The following PTPRC variants were observed in gnomAD, a reference collection of about 807,000 sequenced individuals.
PTPRC encodes the protein receptor-type tyrosine-protein phosphatase C.
PTPRC carries 44 observed loss-of-function variants against 155.9 expected under a neutral mutation model. The ratio of observed to expected loss-of-function variants is 0.28; its 90% confidence interval spans 0.22 to 0.36. The LOEUF (loss-of-function observed/expected upper bound fraction) is 0.36, where lower values mean the gene tolerates loss of function less well. Among genes scored for constraint, PTPRC ranks in the 10% least tolerant of loss-of-function variants. PTPRC has a pLI of 1.00. For synonymous variants in PTPRC, 525 were observed against 533.1 expected, an observed-to-expected ratio of 0.98 and a Z score of 0.21; for missense variants, 1,401 against 1,564.6, an observed-to-expected ratio of 0.90 and a Z score of 1.76.
intron 2 of PTPRC, among the ~76,000 whole-genome samples, chr1:198,689,706 C>T (rs981518003): frequency 6.6e-6 from 1 of 152,188 alleles, no homozygotes; most frequent in African/African-American, 2.4e-5. Flanking sequence ...CTTACTCATG[C>T]TTAAAAGAAT....
chr1:198,746,944 G>A (rs945104498), intron 26 of PTPRC, among the ~76,000 whole-genome samples: 7 of 151,634 alleles, frequency 4.6e-5, no homozygotes, highest in Non-Finnish European at 1.0e-4. Flanking sequence ...TTGAAACAGG[G>A]TGCCATAATT....
At chr1:198,721,340 G>T (rs1353587675) in intron 14 of PTPRC, among the ~76,000 whole-genome samples, 1 of 151,488 alleles carries the variant, frequency 6.6e-6, no homozygotes, top group African/African-American at 2.4e-5. Context: ...GATTAAAAGT[G>T]TTTTCTTCCT....
intron 23 of PTPRC, among the ~76,000 whole-genome samples, chr1:198,739,563 G>T (rs1224494884): frequency 6.6e-6 from 1 of 151,722 alleles, no homozygotes; most frequent in Non-Finnish European, 1.5e-5. Flanking sequence ...TAATACTGGA[G>T]CACACAGATA....
chr1:198,641,828 T>C (rs917883089), intron 2 of PTPRC, among the ~76,000 whole-genome samples: 4 of 152,038 alleles, frequency 2.6e-5, no homozygotes, highest in Non-Finnish European at 5.9e-5. Flanking sequence ...TCATAACAGT[T>C]AAGACTCATT....
chr1:198,713,108 G>T (rs1432808812), intron 12 of PTPRC, 36 bp downstream of exon 12: 3 of 1,612,156 alleles, frequency 1.9e-6, no homozygotes, highest in Admixed American at 1.7e-5. Flanking sequence ...TCAGAAAAGA[G>T]AAATCAAGAA....
At chr1:198,696,205 G>T (rs1488543404) in intron 3 of PTPRC, among the ~76,000 whole-genome samples, 1 of 148,100 alleles carries the variant, frequency 6.8e-6, no homozygotes, top group Non-Finnish European at 1.5e-5. Flanking sequence ...TTTTTTCATG[G>T]ATATATATAT....
At chr1:198,662,068 GT>G (rs1664000051) in intron 2 of PTPRC, among the ~76,000 whole-genome samples, 1 of 152,156 alleles carries the variant, frequency 6.6e-6, no homozygotes, top group South Asian at 2.1e-4. Context: ...TGGTCAGCCA[GT>G]TTTTATATTG....
chr1:198,718,599 T>C (rs1653720863), intron 14 of PTPRC, among the ~76,000 whole-genome samples: 1 of 152,224 alleles, frequency 6.6e-6, no homozygotes, highest in Non-Finnish European at 1.5e-5. Context: ...AACAGATTAT[T>C]ACTTTACCAA....
chr1:198,664,355 A>G (rs200868389), intron 2 of PTPRC, among the ~76,000 whole-genome samples: 2 of 152,336 alleles, frequency 1.3e-5, no homozygotes, highest in East Asian at 3.9e-4. Flanking sequence ...TTCGGTAGCA[A>G]GAAGAGACTT....
intron 3 of PTPRC, among the ~76,000 whole-genome samples, chr1:198,696,216 A>G (rs1333368705): frequency 6.6e-6 from 1 of 150,528 alleles, no homozygotes; most frequent in African/African-American, 2.4e-5. Flanking sequence ...ATATATATAT[A>G]TCCATGAGTA....
At chr1:198,730,703 A>G (rs912051852) in intron 17 of PTPRC, among the ~76,000 whole-genome samples, 2 of 152,084 alleles carry the variant, frequency 1.3e-5, no homozygotes, top group Non-Finnish European at 2.9e-5. Context: ...ACTCACTCAG[A>G]CCCCATGAAA....
chr1:198,754,117 C>T (rs1221138427), intron 31 of PTPRC, 152 bp from the exon 32 acceptor site: 23 of 903,492 alleles, frequency 2.5e-5, no homozygotes, highest in South Asian at 3.6e-5. Context: ...ATGCATTTAG[C>T]GTAAATAATT....
At chr1:198,724,830 T>G (rs1252693607) in intron 15 of PTPRC, among the ~76,000 whole-genome samples, 1 of 152,054 alleles carries the variant, frequency 6.6e-6, no homozygotes, top group African/African-American at 2.4e-5. Context: ...AGAGGGAGTT[T>G]CGCTCTTGTT....
At chr1:198,700,631 G>A (rs907104224) in intron 5 of PTPRC, among the ~76,000 whole-genome samples, 1 of 152,150 alleles carries the variant, frequency 6.6e-6, no homozygotes, top group African/African-American at 2.4e-5. Flanking sequence ...CAAACCCACA[G>A]ATCCAGAAAT....
intron 11 of PTPRC, chr1:198,712,722 C>T (rs1653375862): frequency 1.9e-6 from 1 of 535,718 alleles, no homozygotes; most frequent in Non-Finnish European, 3.3e-6. Flanking sequence ...TAGATATCTT[C>T]AAGTCAGTGG....
chr1:198,671,733 T>C (rs1342098077), intron 2 of PTPRC, among the ~76,000 whole-genome samples: 1 of 152,248 alleles, frequency 6.6e-6, no homozygotes. Context: ...TCATATTTCC[T>C]GTATTGGTGA....
intron 2 of PTPRC, among the ~76,000 whole-genome samples, chr1:198,682,923 G>T (rs904956579): frequency 6.6e-6 from 1 of 152,022 alleles, no homozygotes; most frequent in Non-Finnish European, 1.5e-5. Flanking sequence ...CCATTTTGAT[G>T]GTTATACATA....
intron 2 of PTPRC, among the ~76,000 whole-genome samples, chr1:198,670,480 A>G (rs72738031): frequency 0.013 from 1,983 of 152,262 alleles, 23 homozygotes; most frequent in Non-Finnish European, 0.016. Flanking sequence ...TAAAAATTAA[A>G]TCTTCTAATA....
At chr1:198,679,166 G>A in intron 2 of PTPRC, 1 of 212,834 alleles carries the variant, frequency 4.7e-6, no homozygotes, top group South Asian at 8.9e-5. Context: ...TGCAGTTTGG[G>A]CACATAGTCG....
Sources: gnomAD v4.1 joint callset for allele counts (sites outside exome capture counted in the v4.1 genomes callset) on GRCh38, gnomAD v4.1.1 for gene constraint, MANE v1.5 for transcripts, NCBI Gene and HGNC (gene_info 2026-07-23, HGNC 2026-07-21) for gene names.